TFG: variants seen among roughly 807,000 people sequenced by gnomAD.
The protein encoded by TFG is trafficking from ER to golgi regulator.
TFG carries 22 observed loss-of-function variants against 51.4 expected under a neutral mutation model. The observed-to-expected ratio is 0.43, with a 90% CI of 0.31 to 0.61. The LOEUF (loss-of-function observed/expected upper bound fraction) is 0.61, where lower values mean the gene tolerates loss of function less well. TFG is among the 20% of genes least tolerant of loss of function. The pLI is 0.12. For synonymous variants in TFG, 187 were observed against 165.6 expected, an observed-to-expected ratio of 1.13 and a Z score of -0.99; for missense variants, 419 against 487.7, an observed-to-expected ratio of 0.86 and a Z score of 1.33.
In TFG at chr3:100,713,955, C is replaced by G. The variant is rs1232472826; in HGVS notation, c.184+86C>G. 5.8e-6 allele frequency: 5 copies of G among 868,644 alleles called. No individual in the cohort carries two copies. In the Admixed American group the frequency reaches 1.2e-4, roughly 21 times the overall value. 53.8% of individuals were successfully genotyped at this position (868,644 alleles called of 1,614,324 possible). A position where few individuals can be genotyped will look rare whatever the true frequency, so the allele number is the denominator to read the frequency against. On this transcript the variant is annotated intron_variant, in intron 2 of 7. Coordinates refer to ENST00000240851, the MANE Select transcript of TFG (RefSeq NM_006070.6). The stretch of plus-strand genomic sequence containing the variant: ...AGCCTCTGTTGCCCAGGCTGGAGTA[C>G]AGTGGTGTGATCATAGCTCAGTGTC...
chr3:100,723,885 A>C (rs566930464), intron 3 of TFG, among the ~76,000 whole-genome samples: 1 of 152,120 alleles, frequency 6.6e-6, no homozygotes, highest in Non-Finnish European at 1.5e-5. Context: ...CTGTAAGTCA[A>C]GTCTTCCAGA....
chr3:100,714,204 A>G (rs888318370), intron 2 of TFG, among the ~76,000 whole-genome samples: 3 of 152,048 alleles, frequency 2.0e-5, no homozygotes, highest in Non-Finnish European at 2.9e-5. Flanking sequence ...CATCAGTTAA[A>G]ATTAGCTAAG....
chr3:100,746,090 G>T (rs1436368885), intron 7 of TFG, among the ~76,000 whole-genome samples: 2 of 152,076 alleles, frequency 1.3e-5, no homozygotes, highest in Non-Finnish European at 2.9e-5. Flanking sequence ...AAAATACATA[G>T]AACTTAAGTT....
At chr3:100,730,625 C>G (rs562035741) in intron 4 of TFG, among the ~76,000 whole-genome samples, 1 of 152,312 alleles carries the variant, frequency 6.6e-6, no homozygotes, top group South Asian at 2.1e-4. Flanking sequence ...TGCCAATCAG[C>G]TATCAGTGCT....
At position 100,716,278 on chromosome 3, in the gene TFG, T is replaced by G. The variant is rs147686421; in HGVS notation, c.184+2409T>G. 8.0e-4 allele frequency among the ~76,000 whole-genome samples: 122 copies of G among 152,326 alleles called. No individual in the cohort carries two copies. In the East Asian group the frequency reaches 0.023, roughly 29 times the overall value. On this transcript the variant is annotated intron_variant, in intron 2 of 7. Transcript: ENST00000240851. ...TGCTTTTTACTTGTATAAGATCAAC[T>G]TTTTTTAGCTTCCACATATGAGAGA...
At chr3:100,711,366 G>A (rs911470514) in intron 1 of TFG, among the ~76,000 whole-genome samples, 1 of 152,176 alleles carries the variant, frequency 6.6e-6, no homozygotes, top group African/African-American at 2.4e-5. Context: ...CTCCCAAAGT[G>A]CTGGGATTAC....
intron 5 of TFG, among the ~76,000 whole-genome samples, chr3:100,734,067 T>A (rs1012364): frequency 0.33 from 48,358 of 146,136 alleles, 8,562 homozygotes; most frequent in South Asian, 0.49. Context: ...TTTTTTTTGC[T>A]TTTTTTTTTG....
intron 5 of TFG, among the ~76,000 whole-genome samples, chr3:100,734,604 T>A (rs1231051605): frequency 1.3e-5 from 2 of 152,188 alleles, no homozygotes; most frequent in African/African-American, 4.8e-5. Context: ...TTTCAAATAG[T>A]TTCTTTTGTT....
intron 3 of TFG, among the ~76,000 whole-genome samples, chr3:100,724,551 A>G (rs1461859572): frequency 6.6e-6 from 1 of 152,218 alleles, no homozygotes; most frequent in African/African-American, 2.4e-5. Context: ...AGATGATTCT[A>G]AATTATACAA....
intron 5 of TFG, among the ~76,000 whole-genome samples, chr3:100,734,197 C>A (rs945289533): frequency 6.6e-6 from 1 of 151,676 alleles, no homozygotes; most frequent in East Asian, 1.9e-4. Context: ...ACATTAATGA[C>A]TTCATTTTGG....
chr3:100,733,564 C>T (rs1319271566), intron 5 of TFG, among the ~76,000 whole-genome samples: 1 of 152,098 alleles, frequency 6.6e-6, no homozygotes, highest in East Asian at 1.9e-4. Context: ...CAATATGTAA[C>T]ACTTGGACCC....
intron 3 of TFG, among the ~76,000 whole-genome samples, chr3:100,724,986 C>T (rs1035298782): frequency 3.9e-5 from 6 of 152,230 alleles, no homozygotes; most frequent in Non-Finnish European, 8.8e-5. Context: ...TCACTGCAAG[C>T]TCCGCCTCCG....
At chr3:100,745,014 G>C in intron 7 of TFG, 83 bp downstream of exon 7, 2 of 698,508 alleles carry the variant, frequency 2.9e-6, no homozygotes, top group Non-Finnish European at 4.6e-6. Flanking sequence ...TCCTTGATTT[G>C]TAGTACATTG....
At chr3:100,746,080 A>G (rs1199767235) in intron 7 of TFG, among the ~76,000 whole-genome samples, 1 of 152,212 alleles carries the variant, frequency 6.6e-6, no homozygotes, top group Non-Finnish European at 1.5e-5. Flanking sequence ...TTAATTGTAT[A>G]AAATACATAG....
intron 1 of TFG, among the ~76,000 whole-genome samples, chr3:100,712,173 T>C (rs760089237): frequency 5.9e-5 from 9 of 152,172 alleles, no homozygotes; most frequent in Non-Finnish European, 1.2e-4. Context: ...TCTAGAGATA[T>C]TAATTTAAGG....
At chr3:100,727,156 C>T (rs538539038) in intron 3 of TFG, among the ~76,000 whole-genome samples, 1 of 152,094 alleles carries the variant, frequency 6.6e-6, no homozygotes, top group East Asian at 1.9e-4. Flanking sequence ...TTATATTCAA[C>T]GGGAGAACAC....
chr3:100,732,603 T>G lies in TFG; in HGVS notation c.511T>G (p.Leu171Val). The part of the protein sequence containing the change: ...MAASMSAFDP[L>V]KNQDEINKNV... ...AGCAAGTATGTCTGCTTTTGATCCT[T>G]TAAAAAACCAAGATGAAATCAATAA... Residue 171 changes from leucine to valine, a missense_variant, in exon 5 of 8, where the codon TTA becomes GTA. Leu to Val is a conservative substitution (Grantham distance 32). Transcript: ENST00000240851. 6.2e-7 allele frequency: 1 copy of G among 1,612,432 alleles called. No homozygotes were observed. The highest frequency in any genetic ancestry group is 8.5e-7 in the Non-Finnish European group (1 of 1,179,250).
chr3:100,726,708 C>A (rs1425590291), intron 3 of TFG, among the ~76,000 whole-genome samples: 1 of 152,146 alleles, frequency 6.6e-6, no homozygotes, highest in Non-Finnish European at 1.5e-5. Flanking sequence ...TACTGACTTA[C>A]TGCAGCAAGG....
intron 5 of TFG, 122 bp from the exon 6 acceptor site, chr3:100,736,454 T>C: frequency 1.9e-6 from 2 of 1,031,620 alleles, no homozygotes; most frequent in Non-Finnish European, 1.4e-6. Context: ...TAAAAAGGCG[T>C]ATTTGTGGTT....
Sources: gnomAD v4.1 joint callset for allele counts (sites outside exome capture counted in the v4.1 genomes callset) on GRCh38, gnomAD v4.1.1 for gene constraint, MANE v1.5 for transcripts, NCBI Gene and HGNC (gene_info 2026-07-23, HGNC 2026-07-21) for gene names.